Variants in NLRP2 observed in about 807,000 individuals in gnomAD.
The protein encoded by NLRP2 is NACHT, LRR and PYD domains-containing protein 2.
In NLRP2, 107 loss-of-function variants were observed where a neutral mutation model predicts 97.2. That is an observed-to-expected ratio of 1.10 (90% CI 0.94 to 1.29). The LOEUF (loss-of-function observed/expected upper bound fraction) is 1.29. Among genes scored for constraint, NLRP2 ranks in the 50% most tolerant of loss-of-function variants. NLRP2 has a pLI of 0.00. For synonymous variants in NLRP2, 663 were observed against 551.5 expected (o/e 1.20, Z -2.83); for missense variants, 1,495 against 1,330.3 (o/e 1.12, Z -1.93).
intron 2 of NLRP2, 34 bp from the exon 3 acceptor site, chr19:54,974,466 A>G (rs1288448328): frequency 6.3e-7 from 1 of 1,584,838 alleles, no homozygotes; most frequent in Admixed American, 1.7e-5. Flanking sequence ...GCTTATGGTA[A>G]AATGCAAAAT....
chr19:54,971,792 TTAAAAA>T (rs2070869145), intron 2 of NLRP2, among the ~76,000 whole-genome samples: 1 of 152,020 alleles, frequency 6.6e-6, no homozygotes, highest in African/African-American at 2.4e-5. Context: ...GCAAAGACAA[TTAAAAA>T]TAACAATACA....
chr19:54,977,727 CTGTAA>C lies in NLRP2; in HGVS notation c.326-22_326-18del, dbSNP rs766899215. The C allele has an allele frequency of 5.0e-6, 8 of 1,612,954 alleles. No homozygotes were observed. The highest frequency in any genetic ancestry group is 6.8e-6 in the Non-Finnish European group (8 of 1,179,484). The stretch of plus-strand genomic sequence containing the variant: ...TCCCACTGCCAGCACAGCAACAGGC[CTGTAA>C]TGCCGCCCTTTTTCTCCAGGGATAA... On this transcript the variant is annotated intron_variant, in intron 3 of 12. Coordinates refer to ENST00000448584, the MANE Select transcript of NLRP2 (RefSeq NM_017852.5).
chr19:54,999,042 A>ACCCCCCCAACCTACCTCCCGGACG, intron 12 of NLRP2, among the ~76,000 whole-genome samples: 1 of 136,208 alleles, frequency 7.3e-6, no homozygotes, highest in African/African-American at 2.7e-5. Flanking sequence ...CCTCCCGGAC[A>ACCCCCCCAACCTACCTCCCGGACG]GGGCGGCTGG....
chr19:54,975,012 G>A (rs754753404), intron 3 of NLRP2, among the ~76,000 whole-genome samples: 16 of 151,222 alleles, frequency 1.1e-4, no homozygotes, highest in Non-Finnish European at 2.1e-4. Context: ...TGATGGCCAG[G>A]CTGGTCTTGA....
intron 4 of NLRP2, among the ~76,000 whole-genome samples, 171 bp downstream of exon 4, chr19:54,977,994 G>T (rs554526032): frequency 6.6e-6 from 1 of 152,240 alleles, no homozygotes; most frequent in South Asian, 2.1e-4. Context: ...AGAATAGAGG[G>T]AAGAACGAAC....
At position 54,986,188 on chromosome 19, in the gene NLRP2, C is replaced by A. The variant is rs753727675; in HGVS notation, c.2239C>A (p.Leu747Ile). ...NISPADAHRN[L>I]CLALRGHKTV... ...TTCCCCAGCTGATGCTCATCGGAAC[C>A]TCTGCCTAGCTCTTCGAGGTCACAA... Residue 747 changes from leucine (L) to isoleucine (I), a missense_variant, in exon 8 of 13, where the codon CTC (leucine) becomes ATC (isoleucine). Coordinates refer to ENST00000448584, the MANE Select transcript of NLRP2 (RefSeq NM_017852.5). 2.5e-6 allele frequency: 4 copies of A among 1,613,528 alleles called. No homozygotes were observed.
upstream of NLRP2, chr19:54,966,176 C>T (rs2070385766): frequency 6.6e-6 from 1 of 151,568 alleles, no homozygotes; most frequent in Admixed American, 6.6e-5. Context: ...ACCAATCAAG[C>T]AGAATCTCTA....
chr19:54,981,515 C>T (rs945820373), intron 4 of NLRP2, 102 bp from the exon 5 acceptor site: 2 of 270,458 alleles, frequency 7.4e-6, no homozygotes, highest in Non-Finnish European at 1.6e-5. Flanking sequence ...CCGTGCCCCC[C>T]CTCCCCCCCG....
At chr19:54,976,570 C>G (rs1357430580) in intron 3 of NLRP2, among the ~76,000 whole-genome samples, 2 of 152,056 alleles carry the variant, frequency 1.3e-5, no homozygotes, top group African/African-American at 4.8e-5. Flanking sequence ...TGGTCTCAAA[C>G]TGCTGACCTC....
chr19:54,973,197 A>G (rs572811154), intron 2 of NLRP2, among the ~76,000 whole-genome samples: 9 of 151,900 alleles, frequency 5.9e-5, no homozygotes, highest in Admixed American at 3.3e-4. Context: ...TCAAAAAAAA[A>G]AAACAAACAA....
At chr19:55,000,268 G>GTTTTTT (rs2073102581) in intron 12 of NLRP2, among the ~76,000 whole-genome samples, 2 of 62,580 alleles carry the variant, frequency 3.2e-5, no homozygotes, top group Admixed American at 2.2e-4. Context: ...CAGAGAGACT[G>GTTTTTT]TCTTTTTTTT....
rs191789242 is a variant in NLRP2, at chr19:54,982,288, A to G, written c.590A>G (p.Asn197Ser). 1.9e-6 allele frequency: 3 copies of G among 1,613,962 alleles called. No individual in the cohort carries two copies. Among genetic ancestry groups the G allele is most frequent in the Non-Finnish European group, 2.5e-6 (3 of 1,179,980 alleles). The change falls in exon 6 of 13, where the codon AAC becomes AGC. Residue 197 changes from asparagine (N) to serine (S), a missense_variant. By Grantham distance (46) the Asn-to-Ser change is conservative. Coordinates refer to ENST00000448584, the MANE Select transcript of NLRP2 (RefSeq NM_017852.5). ...TACAAGATGCTGATCCCATTCAGCA[A>G]CCCCAGGGTGCTTCCCGGGCCCTTC... The part of the protein sequence containing the change: ...ERYKMLIPFS[N>S]PRVLPGPFSY...
intron 3 of NLRP2, among the ~76,000 whole-genome samples, chr19:54,975,101 G>GTTTTTTTTTTTTTTTTTTTT (rs1190231820): frequency 2.4e-5 from 2 of 83,086 alleles, no homozygotes; most frequent in Admixed American, 1.6e-4. Context: ...ACCACACCCG[G>GTTTTTTTTTTTTTTTTTTTT]TTTTGTTTTT....
chr19:54,997,251 T>G, intron 11 of NLRP2, 66 bp from the exon 12 acceptor site: 1 of 1,552,076 alleles, frequency 6.4e-7, no homozygotes, highest in Non-Finnish European at 8.9e-7. Context: ...GAGGGTGGGC[T>G]TGGCTTGCCG....
At chr19:54,986,396 G>T in intron 8 of NLRP2, 81 bp downstream of exon 8, 1 of 1,333,136 alleles carries the variant, frequency 7.5e-7, no homozygotes, top group Non-Finnish European at 1.1e-6. Flanking sequence ...GTGTAAATAA[G>T]AAAAAGTTCG....
In NLRP2 at chr19:54,980,095, G is replaced by T. The variant is rs192050278; in HGVS notation, c.398-1522G>T. On this transcript the variant is annotated intron_variant, in intron 4 of 12. Coordinates refer to ENST00000448584, the MANE Select transcript of NLRP2 (RefSeq NM_017852.5). ...CAGCCTAGCACACAATCTTGACAAAGAATTTCGGTGCGACTTGGGGTACTG... is the reference window on the plus strand; with the variant it reads ...CAGCCTAGCACACAATCTTGACAAATAATTTCGGTGCGACTTGGGGTACTG... Among the ~76,000 whole-genome samples, 135 of 151,534 alleles carry T rather than the reference G, an allele frequency of 8.9e-4. 2 individuals carry two copies. Among genetic ancestry groups the T allele is most frequent in the African/African-American group, 3.2e-3 (134 of 41,334 alleles).
At chr19:54,974,289 G>A in intron 2 of NLRP2, 1 of 616,062 alleles carries the variant, frequency 1.6e-6, no homozygotes, top group Admixed American at 2.8e-5. Flanking sequence ...GGGAGGCAGA[G>A]GTTGCAGTGA....
chr19:54,975,455 ATTT>A (rs34340544), intron 3 of NLRP2, among the ~76,000 whole-genome samples: 3,529 of 132,488 alleles, frequency 0.027, 305 homozygotes, highest in African/African-American at 0.057. Flanking sequence ...GATTATTATT[ATTT>A]TTTTTTTTTT....
chr19:54,982,263 T>TA lies in NLRP2; in HGVS notation c.566dup (p.Tyr189Ter). The TA allele has an allele frequency of 6.2e-7, 1 of 1,614,090 alleles. No homozygotes were observed. The highest frequency in any genetic ancestry group is 1.1e-5 in the South Asian group (1 of 91,086). ...SKEVQVMAER[Y>*]KMLIPFSNPR... ...AGAGGTCCAGGTTATGGCTGAGAGA[T>TA]ACAAGATGCTGATCCCATTCAGCAA... Residue 189 changes from tyrosine (Y) to a stop codon, truncating the protein, a stop_gained and frameshift_variant, in exon 6 of 13, where the codon TAC becomes TAAC. Transcript: ENST00000448584. LOFTEE classifies it high-confidence loss of function.
Sources: gnomAD v4.1 joint callset for allele counts (sites outside exome capture counted in the v4.1 genomes callset) on GRCh38, gnomAD v4.1.1 for gene constraint, MANE v1.5 for transcripts, NCBI Gene and HGNC (gene_info 2026-07-23, HGNC 2026-07-21) for gene names.